Variants in RPS6KC1 observed in about 807,000 individuals in gnomAD.
RPS6KC1 encodes the protein inactive ribosomal protein S6 kinase delta-1.
Under a neutral mutation model 103.8 loss-of-function variants are expected in RPS6KC1, and 54 were observed. The ratio of observed to expected loss-of-function variants is 0.52; its 90% CI spans 0.42 to 0.65. The LOEUF (loss-of-function observed/expected upper bound fraction) is 0.65, where lower values mean the gene tolerates loss of function less well. Among genes scored for constraint, RPS6KC1 ranks in the 30% least tolerant of loss-of-function variants. RPS6KC1 has a pLI of 0.00. For synonymous variants in RPS6KC1, 439 were observed against 438.7 expected (o/e 1.00, Z -0.01); for missense variants, 1,151 against 1,253.8 (o/e 0.92, Z 1.24).
chr1:213,580,090 T>C, the RPS6KC1 span, among the ~76,000 whole-genome samples: 2 of 152,098 alleles, frequency 1.3e-5, no homozygotes, highest in African/African-American at 4.8e-5. Flanking sequence ...ATTCCTCTGA[T>C]GGCTCTGGGC....
the RPS6KC1 span, among the ~76,000 whole-genome samples, chr1:213,519,018 T>G: frequency 6.6e-6 from 1 of 152,204 alleles, no homozygotes; most frequent in Non-Finnish European, 1.5e-5. Flanking sequence ...GAAAGCATTT[T>G]CTCTGAATTT....
intron 6 of RPS6KC1, among the ~76,000 whole-genome samples, chr1:213,158,772 A>G (rs1425285418): frequency 6.6e-6 from 1 of 152,176 alleles, no homozygotes; most frequent in Non-Finnish European, 1.5e-5. Flanking sequence ...AGTCACAGAT[A>G]TGTAAAAAAT....
At chr1:213,844,128 A>G in the RPS6KC1 span, among the ~76,000 whole-genome samples, 1 of 152,200 alleles carries the variant, frequency 6.6e-6, no homozygotes, top group Non-Finnish European at 1.5e-5. Context: ...GCCATGCTGA[A>G]CAATGCACAC....
the RPS6KC1 span, among the ~76,000 whole-genome samples, chr1:213,814,359 A>G: frequency 6.6e-6 from 1 of 152,366 alleles, no homozygotes; most frequent in Admixed American, 6.5e-5. Flanking sequence ...CTTGCTGGGC[A>G]TCATCCAACT....
At chr1:213,343,355 A>AAG in the RPS6KC1 span, among the ~76,000 whole-genome samples, 1 of 75,228 alleles carries the variant, frequency 1.3e-5, no homozygotes, top group Admixed American at 1.5e-4. Context: ...ATGAAGGCTG[A>AAG]AGAGAGGAGC....
the RPS6KC1 span, among the ~76,000 whole-genome samples, chr1:213,363,726 C>T: frequency 9.0e-6 from 1 of 111,390 alleles, no homozygotes; most frequent in African/African-American, 4.1e-5. Context: ...TTCTTTCTTT[C>T]GTTCTTTCTT....
At chr1:213,650,922 G>C in the RPS6KC1 span, among the ~76,000 whole-genome samples, 1 of 132,000 alleles carries the variant, frequency 7.6e-6, no homozygotes, top group African/African-American at 3.1e-5. Flanking sequence ...ATGGCAACTT[G>C]CATGTTAAAA....
At chr1:213,152,516 T>G (rs1245282891) in intron 6 of RPS6KC1, among the ~76,000 whole-genome samples, 12 of 143,968 alleles carry the variant, frequency 8.3e-5, no homozygotes, top group Non-Finnish European at 1.5e-4. Context: ...GCTCCTCACT[T>G]CTCAGACGGG....
At chr1:213,567,520 AT>A in the RPS6KC1 span, among the ~76,000 whole-genome samples, 1 of 152,104 alleles carries the variant, frequency 6.6e-6, no homozygotes, top group East Asian at 1.9e-4. Flanking sequence ...GTTTCTGGAA[AT>A]TTCTCTCACT....
chr1:213,679,979 A>G, the RPS6KC1 span, among the ~76,000 whole-genome samples: 3 of 152,252 alleles, frequency 2.0e-5, no homozygotes, highest in African/African-American at 7.2e-5. Flanking sequence ...ATAATTACAC[A>G]TTATAGAAAG....
chr1:213,851,094 C>T, the RPS6KC1 span, among the ~76,000 whole-genome samples: 1 of 152,200 alleles, frequency 6.6e-6, no homozygotes, highest in African/African-American at 2.4e-5. Flanking sequence ...TCATCAACCC[C>T]CTCTTTCAGC....
At chr1:213,333,658 T>G in the RPS6KC1 span, among the ~76,000 whole-genome samples, 3 of 152,128 alleles carry the variant, frequency 2.0e-5, no homozygotes, top group Non-Finnish European at 2.9e-5. Flanking sequence ...TTATTTTATC[T>G]TATTTTATTT....
chr1:213,469,803 G>A, the RPS6KC1 span, among the ~76,000 whole-genome samples: 2 of 152,216 alleles, frequency 1.3e-5, no homozygotes, highest in African/African-American at 4.8e-5. Flanking sequence ...GATTGCTTGA[G>A]ACCAAGAGGT....
the RPS6KC1 span, among the ~76,000 whole-genome samples, chr1:213,380,171 G>T: frequency 6.6e-6 from 1 of 152,216 alleles, no homozygotes; most frequent in South Asian, 2.1e-4. Context: ...CATGTCCTTT[G>T]CAGCAGCCTG....
rs898242822 is a variant in RPS6KC1, at chr1:213,183,577, A to G, written c.1044+7085A>G. On this transcript the variant is annotated intron_variant, in intron 8 of 14. Transcript: ENST00000366960. Reference sequence around the variant, plus strand: ...GGGTTGAAGAAGAATCTCAAAGGGTATTAAAAAAAAATGCATATAGTTGAA... The same window carrying G: ...GGGTTGAAGAAGAATCTCAAAGGGTGTTAAAAAAAAATGCATATAGTTGAA... Among the ~76,000 whole-genome samples, 3 of 107,060 alleles carry G rather than the reference A, an allele frequency of 2.8e-5. No homozygotes were observed. In the South Asian group the frequency reaches 1.1e-3, roughly 38 times the overall value. The allele number at this position is 107,060 out of a possible 152,430, so 70.2% of individuals were successfully genotyped here.
intron 8 of RPS6KC1, among the ~76,000 whole-genome samples, chr1:213,188,973 A>C (rs1240949596): frequency 6.6e-6 from 1 of 152,196 alleles, no homozygotes. Flanking sequence ...ATGACTTTAC[A>C]GTAATCAAGA....
At chr1:213,371,716 C>T in the RPS6KC1 span, among the ~76,000 whole-genome samples, 1 of 152,158 alleles carries the variant, frequency 6.6e-6, no homozygotes, top group African/African-American at 2.4e-5. Context: ...TTTCACTTTA[C>T]AAAATAAGAA....
At chr1:213,199,151 G>A (rs1163753534) in intron 8 of RPS6KC1, among the ~76,000 whole-genome samples, 3 of 152,182 alleles carry the variant, frequency 2.0e-5, no homozygotes, top group Non-Finnish European at 4.4e-5. Flanking sequence ...TATGAGGTCA[G>A]TATCACCCTT....
chr1:213,104,620 T>C (rs1160995626), intron 4 of RPS6KC1, 51 bp downstream of exon 4: 2 of 1,052,646 alleles, frequency 1.9e-6, no homozygotes, highest in East Asian at 5.4e-5. Context: ...ACTTTTGTAA[T>C]TTGTAGTAAA....
Sources: allele counts gnomAD v4.1 joint callset (sites outside exome capture counted in the v4.1 genomes callset), GRCh38; gene constraint gnomAD v4.1.1; transcripts MANE v1.5; gene names NCBI Gene and HGNC (gene_info 2026-07-23, HGNC 2026-07-21).